CNTLN: variants seen among roughly 807,000 people sequenced by gnomAD.
The protein encoded by CNTLN is centlein, also known as centlein, centrosomal protein.
In CNTLN, 212 loss-of-function variants were observed where a neutral mutation model predicts 180.0. The ratio of observed to expected loss-of-function variants is 1.18; its 90% CI spans 1.05 to 1.32. CNTLN has a LOEUF of 1.32. Ranked by LOEUF, CNTLN falls within the 40% of genes most tolerant of loss-of-function variation. The probability of loss-of-function intolerance (pLI) is 0.00; values close to 1 mark genes in which losing one functional copy is unlikely to be tolerated. For missense variants in CNTLN, 2,095 were observed against 1,610.9 expected, an observed-to-expected ratio of 1.30 and a Z score of -5.14; for synonymous variants, 722 against 563.1, an observed-to-expected ratio of 1.28 and a Z score of -3.99.
At chr9:17,324,971 A>C (rs1180210512) in intron 8 of CNTLN, among the ~76,000 whole-genome samples, 1 of 151,938 alleles carries the variant, frequency 6.6e-6, no homozygotes, top group African/African-American at 2.4e-5. Flanking sequence ...TATTTGGTTA[A>C]AAGTGAGTAG....
intron 18 of CNTLN, among the ~76,000 whole-genome samples, chr9:17,433,290 CT>C (rs879265405): frequency 9.7e-4 from 140 of 144,086 alleles, no homozygotes; most frequent in Admixed American, 1.0e-3. Context: ...TTTTAGCTTT[CT>C]TTTTTTTTTT....
At chr9:17,499,752 C>T (rs898790289) in intron 25 of CNTLN, among the ~76,000 whole-genome samples, 12 of 152,060 alleles carry the variant, frequency 7.9e-5, no homozygotes, top group East Asian at 1.9e-4. Context: ...ACTATTTTGT[C>T]ATATTTTCTG....
chr9:17,423,840 A>C (rs1371142094), intron 18 of CNTLN, among the ~76,000 whole-genome samples: 1 of 152,158 alleles, frequency 6.6e-6, no homozygotes, highest in Non-Finnish European at 1.5e-5. Context: ...TCCCCCAAGC[A>C]CACAGATTCT....
chr9:17,272,464 C>T (rs1417146477), intron 5 of CNTLN, among the ~76,000 whole-genome samples: 1 of 152,034 alleles, frequency 6.6e-6, no homozygotes, highest in East Asian at 1.9e-4. Context: ...AATGTTTTAC[C>T]ATCCTCTATT....
At chr9:17,455,764 T>A (rs952091093) in intron 18 of CNTLN, among the ~76,000 whole-genome samples, 2 of 148,072 alleles carry the variant, frequency 1.4e-5, no homozygotes, top group African/African-American at 2.5e-5. Flanking sequence ...GTTTGGGGAA[T>A]GGCAGGCAGG....
chr9:17,339,951 C>T (rs536050524), intron 10 of CNTLN, among the ~76,000 whole-genome samples: 26 of 151,906 alleles, frequency 1.7e-4, no homozygotes, highest in African/African-American at 5.3e-4. Flanking sequence ...ACCAGGAGTT[C>T]GAGACCAGCC....
chr9:17,479,585 G>C (rs562542637), intron 23 of CNTLN, among the ~76,000 whole-genome samples: 1 of 152,262 alleles, frequency 6.6e-6, no homozygotes, highest in African/African-American at 2.4e-5. Context: ...TTTCAAGCAA[G>C]ATGAATAAGC....
chr9:17,319,345 C>T (rs1819752178), intron 8 of CNTLN, among the ~76,000 whole-genome samples: 1 of 152,122 alleles, frequency 6.6e-6, no homozygotes, highest in South Asian at 2.1e-4. Context: ...CTGTCATGTT[C>T]CAGGTCAGGC....
intron 12 of CNTLN, among the ~76,000 whole-genome samples, chr9:17,359,330 C>T (rs1823107381): frequency 6.6e-6 from 1 of 151,918 alleles, no homozygotes; most frequent in Admixed American, 6.6e-5. Flanking sequence ...ATTTCTTAAA[C>T]CAGGCATAAA....
At chr9:17,274,789 A>G (rs1429136704) in intron 6 of CNTLN, among the ~76,000 whole-genome samples, 3 of 152,180 alleles carry the variant, frequency 2.0e-5, no homozygotes, top group Admixed American at 6.5e-5. Context: ...GGGCATTGGT[A>G]AGGGGGTCAA....
chr9:17,164,962 A>G (rs1295189232), intron 2 of CNTLN, among the ~76,000 whole-genome samples: 3 of 150,970 alleles, frequency 2.0e-5, no homozygotes, highest in East Asian at 2.0e-4. Context: ...CAGCCTCCCA[A>G]GTAGCTGGTA....
At chr9:17,498,958 C>G (rs549717498) in intron 25 of CNTLN, among the ~76,000 whole-genome samples, 198 of 152,292 alleles carry the variant, frequency 1.3e-3, no homozygotes, top group Non-Finnish European at 1.9e-3. Context: ...GACGTAGCCC[C>G]TTCCAGAATG....
At chr9:17,292,872 G>C (rs1175640453) in intron 6 of CNTLN, among the ~76,000 whole-genome samples, 3 of 152,116 alleles carry the variant, frequency 2.0e-5, no homozygotes, top group African/African-American at 4.8e-5. Context: ...ATATGGAGAA[G>C]AGGCACTTTG....
chr9:17,476,322 T>C (rs1352506881), intron 23 of CNTLN, among the ~76,000 whole-genome samples: 1 of 152,154 alleles, frequency 6.6e-6, no homozygotes, highest in Admixed American at 6.5e-5. Context: ...CTCAACAATA[T>C]TGCAGTTAGG....
In CNTLN at chr9:17,373,557, A is replaced by G. The variant is rs539041280; in HGVS notation, c.1987+6840A>G. Among the ~76,000 whole-genome samples, 44 of 152,242 alleles carry G rather than the reference A, an allele frequency of 2.9e-4. 1 individual carries two copies. The highest frequency in any genetic ancestry group is 1.0e-3 in the African/African-American group (42 of 41,568). On this transcript the variant is annotated intron_variant, in intron 13 of 25. Coordinates refer to ENST00000380647, the MANE Select transcript of CNTLN (RefSeq NM_017738.4). The stretch of plus-strand genomic sequence containing the variant: ...TATTGTTAAAATGACCATATTACCT[A>G]AAGCAATCTACAGATTTAATGCAAG...
the CNTLN span, among the ~76,000 whole-genome samples, chr9:17,511,008 T>C: frequency 1.2e-3 from 181 of 152,358 alleles, 1 homozygote; most frequent in African/African-American, 4.3e-3. Context: ...GTCTGAGAGA[T>C]GAAGTTGGTC....
At chr9:17,177,774 T>G (rs1022713511) in intron 2 of CNTLN, among the ~76,000 whole-genome samples, 3 of 152,134 alleles carry the variant, frequency 2.0e-5, no homozygotes, top group African/African-American at 4.8e-5. Flanking sequence ...AAAGGCAGTG[T>G]GGACCCAAAG....
In CNTLN at chr9:17,331,644, A is replaced by C. The variant is rs1379352856; in HGVS notation, c.1518+836A>C. 2.0e-5 allele frequency among the ~76,000 whole-genome samples: 3 copies of C among 151,962 alleles called. 1 individual carries two copies. The highest frequency in any genetic ancestry group is 4.1e-4 in the South Asian group (2 of 4,822). Reference sequence around the variant, plus strand: ...TGGGTAGGACAAACTATCTTAATAAAGGAAGTATTTAAAATTTGAACCATG... The same window carrying C: ...TGGGTAGGACAAACTATCTTAATAACGGAAGTATTTAAAATTTGAACCATG... On this transcript the variant is annotated intron_variant, in intron 9 of 25. Coordinates refer to ENST00000380647, the MANE Select transcript of CNTLN (RefSeq NM_017738.4).
chr9:17,385,961 C>G (rs1825655395), intron 13 of CNTLN, among the ~76,000 whole-genome samples: 1 of 152,060 alleles, frequency 6.6e-6, no homozygotes, highest in Non-Finnish European at 1.5e-5. Context: ...CTATGATTCT[C>G]ATTTTCTTTT....
Sources: allele counts gnomAD v4.1 joint callset (sites outside exome capture counted in the v4.1 genomes callset), GRCh38; gene constraint gnomAD v4.1.1; transcripts MANE v1.5; gene names NCBI Gene and HGNC (gene_info 2026-07-23, HGNC 2026-07-21).